Variants in ASTN1 observed in about 807,000 individuals in gnomAD.
The protein encoded by ASTN1 is astrotactin-1.
ASTN1 carries 41 observed loss-of-function variants against 140.7 expected under a neutral mutation model. The observed-to-expected ratio is 0.29, with a 90% CI of 0.23 to 0.38. ASTN1 has a LOEUF of 0.38. Ranked by LOEUF, ASTN1 falls within the 10% of genes least tolerant of loss-of-function variation. ASTN1 has a pLI of 1.00. For missense variants in ASTN1, 1,479 were observed against 1,678.8 expected, an observed-to-expected ratio of 0.88 and a Z score of 2.08; for synonymous variants, 640 against 652.2, an observed-to-expected ratio of 0.98 and a Z score of 0.29.
At position 177,121,224 on chromosome 1, in the gene ASTN1, T is replaced by G. The variant is rs74127298; in HGVS notation, c.283+43170A>C. 3.4e-3 allele frequency among the ~76,000 whole-genome samples: 518 copies of G among 152,140 alleles called. 4 individuals are homozygous for G. The highest frequency in any genetic ancestry group is 0.012 in the African/African-American group (497 of 41,512). On this transcript the variant is annotated intron_variant, in intron 1 of 22. Coordinates refer to ENST00000361833, the MANE Select transcript of ASTN1 (RefSeq NM_004319.3). The stretch of plus-strand genomic sequence containing the variant: ...ACACAGGATGAAAGGGAGTGCCGAG[T>G]GCTTTATAAGATGAACACTGGGTAA...
intron 8 of ASTN1, among the ~76,000 whole-genome samples, chr1:176,990,180 T>C (rs1674091446): frequency 1.5e-5 from 2 of 135,406 alleles, no homozygotes; most frequent in African/African-American, 5.5e-5. Context: ...CGGCTTTTTA[T>C]CTGGCTGTCC....
rs7522096 is a variant in ASTN1 at position 176,936,065 on chromosome 1, T to G, written c.2482+201A>C. 11,605 of 651,354 alleles carry G rather than the reference T, an allele frequency of 0.018. 898 individuals carry two copies. The African/African-American group carries it at 0.18, about 10-fold the overall frequency. 40.3% of individuals were successfully genotyped at this position (651,354 alleles called of 1,614,324 possible). The stretch of plus-strand genomic sequence containing the variant: ...CTCTTCTGTAGTCCAAGATAACACA[T>G]GCAATGTAATCTCTACTTAGAAAAG... On this transcript the variant is annotated intron_variant, in intron 15 of 22. Transcript: ENST00000361833.
chr1:176,963,236 G>A (rs190794041), intron 9 of ASTN1, among the ~76,000 whole-genome samples: 24 of 152,282 alleles, frequency 1.6e-4, no homozygotes, highest in South Asian at 1.5e-3. Flanking sequence ...CCAGAGAGAT[G>A]TTCAGGAGCT....
intron 16 of ASTN1, among the ~76,000 whole-genome samples, chr1:176,897,327 CA>C (rs199896107): frequency 2.7e-5 from 4 of 145,870 alleles, no homozygotes. Flanking sequence ...GCCCCCCCAC[CA>C]AAAAAAAATC....
intron 8 of ASTN1, among the ~76,000 whole-genome samples, chr1:177,009,959 T>A (rs1675207456): frequency 6.6e-6 from 1 of 152,228 alleles, no homozygotes; most frequent in Non-Finnish European, 1.5e-5. Context: ...TATTATTTAC[T>A]GGGAATCCTC....
At chr1:176,989,580 TG>T (rs1674064474) in intron 8 of ASTN1, among the ~76,000 whole-genome samples, 2 of 152,138 alleles carry the variant, frequency 1.3e-5, no homozygotes, top group African/African-American at 4.8e-5. Flanking sequence ...GAAGAGTATG[TG>T]GGGCTCCCTT....
At chr1:176,984,133 C>G (rs1322824168) in intron 8 of ASTN1, among the ~76,000 whole-genome samples, 1 of 152,206 alleles carries the variant, frequency 6.6e-6, no homozygotes, top group Non-Finnish European at 1.5e-5. Context: ...ACCGTGAATG[C>G]TTTGCAATTT....
intron 15 of ASTN1, 124 bp from the exon 16 acceptor site, chr1:176,934,464 C>G: frequency 1.1e-6 from 1 of 902,588 alleles, no homozygotes; most frequent in East Asian, 2.7e-5. Context: ...GGAGAGCTAG[C>G]TAGAAGTGTC....
At chr1:177,126,311 T>C (rs1414732928) in intron 1 of ASTN1, among the ~76,000 whole-genome samples, 1 of 152,162 alleles carries the variant, frequency 6.6e-6, no homozygotes, top group Non-Finnish European at 1.5e-5. Flanking sequence ...GCTTTGCTGC[T>C]TAGGAATAGC....
intron 8 of ASTN1, among the ~76,000 whole-genome samples, chr1:176,997,616 C>T (rs977005418): frequency 2.0e-5 from 3 of 152,036 alleles, no homozygotes; most frequent in African/African-American, 7.2e-5. Flanking sequence ...CTAGAAATCT[C>T]ACCAGTAGCA....
intron 1 of ASTN1, among the ~76,000 whole-genome samples, chr1:177,080,115 A>G (rs1679105957): frequency 6.6e-6 from 1 of 152,008 alleles, no homozygotes; most frequent in Admixed American, 6.6e-5. Flanking sequence ...AACAATGTCA[A>G]TTTTCACCTT....
intron 16 of ASTN1, among the ~76,000 whole-genome samples, chr1:176,903,945 A>G (rs1043199997): frequency 2.0e-5 from 3 of 152,060 alleles, no homozygotes; most frequent in African/African-American, 7.2e-5. Flanking sequence ...CCTCACACTA[A>G]TCTTGGCCTC....
chr1:176,910,136 C>T (rs1193219653), intron 16 of ASTN1, among the ~76,000 whole-genome samples: 3 of 152,146 alleles, frequency 2.0e-5, no homozygotes, highest in African/African-American at 7.2e-5. Flanking sequence ...TAAGAAAATT[C>T]ACTGCTATAT....
chr1:176,904,923 C>A (rs930103575), intron 16 of ASTN1, among the ~76,000 whole-genome samples: 2 of 152,156 alleles, frequency 1.3e-5, no homozygotes, highest in Admixed American at 1.3e-4. Context: ...CTCTATCTAC[C>A]CTGCGGCATT....
intron 8 of ASTN1, among the ~76,000 whole-genome samples, chr1:176,988,443 G>A (rs1674011758): frequency 2.6e-5 from 4 of 152,026 alleles, no homozygotes; most frequent in Admixed American, 2.6e-4. Flanking sequence ...TAATAGACAT[G>A]AGGAAAAAAT....
At position 176,863,437 on chromosome 1, in the gene ASTN1, G is replaced by A. The variant is rs1310906930; in HGVS notation, c.*847C>T. 3.0e-6 allele frequency: 3 copies of A among 985,686 alleles called. No individual in the cohort carries two copies. In the African/African-American group the frequency reaches 5.2e-5, roughly 17 times the overall value. The allele number at this position is 985,686 out of a possible 1,614,324, so 61.1% of individuals were successfully genotyped here. ...GGTAGGCTGGAGAAGTCTATCCAAA[G>A]GAAGCATGGTTTTTTTAAAAAACAA... On this transcript the variant is annotated 3_prime_UTR_variant, in exon 23 of 23. Coordinates refer to ENST00000361833, the MANE Select transcript of ASTN1 (RefSeq NM_004319.3).
intron 18 of ASTN1, among the ~76,000 whole-genome samples, chr1:176,886,327 A>G (rs1382720907): frequency 6.6e-6 from 1 of 152,272 alleles, no homozygotes; most frequent in Non-Finnish European, 1.5e-5. Flanking sequence ...GTTTAAAAAC[A>G]AAATAAGCCC....
chr1:177,136,490 G>A (rs1290882085), intron 1 of ASTN1, among the ~76,000 whole-genome samples: 1 of 151,786 alleles, frequency 6.6e-6, no homozygotes, highest in Non-Finnish European at 1.5e-5. Flanking sequence ...GTAGCTGGGA[G>A]TACAGGTGCA....
At chr1:176,935,885 A>C (rs1671422567) in intron 15 of ASTN1, among the ~76,000 whole-genome samples, 2 of 149,112 alleles carry the variant, frequency 1.3e-5, no homozygotes, top group Admixed American at 1.3e-4. Flanking sequence ...CTCTTTTTTT[A>C]GTTCATTGTA....
Sources: allele counts gnomAD v4.1 joint callset (sites outside exome capture counted in the v4.1 genomes callset), GRCh38; gene constraint gnomAD v4.1.1; transcripts MANE v1.5; gene names NCBI Gene and HGNC (gene_info 2026-07-23, HGNC 2026-07-21).